Variants in PRKD3 observed in about 807,000 individuals in gnomAD.
The protein encoded by PRKD3 is protein kinase D3.
Under a neutral mutation model 99.2 loss-of-function variants are expected in PRKD3, and 47 were observed. The ratio of observed to expected loss-of-function variants is 0.47; its 90% confidence interval spans 0.38 to 0.60. PRKD3 has a LOEUF of 0.60. PRKD3 is among the 20% of genes least tolerant of loss of function. The pLI is 0.00. For synonymous variants in PRKD3, 392 were observed against 355.4 expected, an observed-to-expected ratio of 1.10 and a Z score of -1.16; for missense variants, 1,019 against 1,088.4, an observed-to-expected ratio of 0.94 and a Z score of 0.90.
chr2:37,273,106 A>G (rs746950854), intron 11 of PRKD3, among the ~76,000 whole-genome samples: 4 of 152,078 alleles, frequency 2.6e-5, no homozygotes, highest in African/African-American at 4.8e-5. Context: ...AAGAGTTTTT[A>G]TACACTTCTA....
Position 37,279,770 on chromosome 2 carries a change from T to A in PRKD3, c.1148A>T (p.Asp383Val), listed in dbSNP as rs1182032603. 1 of 1,613,440 alleles carries A rather than the reference T, an allele frequency of 6.2e-7. No individual in the cohort carries two copies. Among genetic ancestry groups the A allele is most frequent in the Non-Finnish European group, 8.5e-7 (1 of 1,179,836 alleles). Residue 383 changes from aspartate (D) to valine (V), a missense_variant, in exon 8 of 19, where the codon GAT becomes GTT. By Grantham distance (152) the Asp-to-Val change is radical (BLOSUM62 -3). This residue lies in a region of PRKD3 where 710 missense variants were observed against 692.7 expected (regional missense o/e 1.02). Transcript: ENST00000234179. ...LDPSDLDVER[D>V]EEAVKTISPS... ...CCTGATTGTTTTAACGGCTTCTTCA[T>A]CTCTTTCCACATCGAGATCAGATGG...
intron 7 of PRKD3, among the ~76,000 whole-genome samples, chr2:37,280,228 A>AC (rs1669792784): frequency 1.3e-5 from 2 of 152,118 alleles, no homozygotes; most frequent in South Asian, 4.2e-4. Flanking sequence ...TATCTTTAGT[A>AC]GAGATGGGGT....
In PRKD3 at chr2:37,267,521, GTCTT is replaced by G. The variant is rs752001197; in HGVS notation, c.1789_1792del (p.Lys597LeufsTer9). ...TACTTTAATAGCCACATCCCTCCCA[GTCTT>G]TCTATGTTTTCCTATTAAGAAAAAA... On this transcript the variant is annotated frameshift_variant, in exon 14 of 19. Coordinates refer to ENST00000234179, the MANE Select transcript of PRKD3 (RefSeq NM_005813.6). LOFTEE classifies it high-confidence loss of function. The G allele has an allele frequency of 4.4e-6, 7 of 1,605,282 alleles. No homozygotes were observed. The highest frequency in any genetic ancestry group is 5.1e-6 in the Non-Finnish European group (6 of 1,175,130).
At chr2:37,288,657 G>C (rs1670235106) in intron 5 of PRKD3, among the ~76,000 whole-genome samples, 1 of 152,096 alleles carries the variant, frequency 6.6e-6, no homozygotes, top group Non-Finnish European at 1.5e-5. Context: ...AAAAATCACT[G>C]ATTTATTAAT....
chr2:37,304,948 A>C (rs1002607012), intron 2 of PRKD3, among the ~76,000 whole-genome samples: 1 of 145,470 alleles, frequency 6.9e-6, no homozygotes, highest in African/African-American at 2.5e-5. Context: ...TATGATGAAT[A>C]GTAGAATTAA....
chr2:37,258,851 G>A (rs1310862882), intron 16 of PRKD3, among the ~76,000 whole-genome samples: 1 of 152,122 alleles, frequency 6.6e-6, no homozygotes, highest in Non-Finnish European at 1.5e-5. Flanking sequence ...TTGTCTAAAT[G>A]TACATGTTTC....
intron 2 of PRKD3, among the ~76,000 whole-genome samples, chr2:37,307,578 G>A (rs1209697481): frequency 2.0e-5 from 3 of 152,146 alleles, no homozygotes; most frequent in African/African-American, 7.2e-5. Flanking sequence ...TAGAAGAGCA[G>A]GTATGTGTTC....
At chr2:37,312,404 A>C (rs1671466928) in intron 2 of PRKD3, among the ~76,000 whole-genome samples, 2 of 152,220 alleles carry the variant, frequency 1.3e-5, no homozygotes, top group African/African-American at 4.8e-5. Context: ...GTATTATTTC[A>C]AATGTGGTCA....
At chr2:37,258,946 G>C (rs1668191705) in intron 16 of PRKD3, among the ~76,000 whole-genome samples, 1 of 151,870 alleles carries the variant, frequency 6.6e-6, no homozygotes. Flanking sequence ...ATGGCTGCAG[G>C]GTACCACCAC....
chr2:37,280,950 G>C (rs1669832010), intron 7 of PRKD3, among the ~76,000 whole-genome samples: 1 of 152,152 alleles, frequency 6.6e-6, no homozygotes, highest in South Asian at 2.1e-4. Flanking sequence ...CAAAGGATCT[G>C]AATAGGTGCT....
At position 37,294,716 on chromosome 2, in the gene PRKD3, T is replaced by A. The variant is rs565497336; in HGVS notation, c.289-1445A>T. On this transcript the variant is annotated intron_variant, in intron 2 of 18. Coordinates refer to ENST00000234179, the MANE Select transcript of PRKD3 (RefSeq NM_005813.6). Reference sequence around the variant, plus strand: ...TTTATGAAATTATTCAGTTGGAGAATAAAATATCTTCATAACCTAGTTACA... The same window carrying A: ...TTTATGAAATTATTCAGTTGGAGAAAAAAATATCTTCATAACCTAGTTACA... Among the ~76,000 whole-genome samples the A allele has an allele frequency of 2.0e-5, 3 of 152,300 alleles. No homozygotes were observed. In the East Asian group the frequency reaches 5.8e-4, roughly 29 times the overall value.
intron 7 of PRKD3, among the ~76,000 whole-genome samples, chr2:37,280,229 G>A (rs1345804310): frequency 1.3e-5 from 2 of 151,970 alleles, no homozygotes; most frequent in South Asian, 4.2e-4. Context: ...ATCTTTAGTA[G>A]AGATGGGGTT....
chr2:37,280,036 G>C (rs910596263), intron 7 of PRKD3, 107 bp from the exon 8 acceptor site: 1 of 593,714 alleles, frequency 1.7e-6, no homozygotes, highest in East Asian at 3.5e-5. Flanking sequence ...ATCTTTATGA[G>C]TTAAGTAAAG....
At chr2:37,282,278 A>C (rs1197094629) in intron 7 of PRKD3, 2 of 387,378 alleles carry the variant, frequency 5.2e-6, no homozygotes, top group Non-Finnish European at 9.3e-6. Flanking sequence ...AAGTTCTTTT[A>C]TGTCTAAAAA....
chr2:37,259,434 T>G, intron 16 of PRKD3, 149 bp downstream of exon 16: 1 of 530,370 alleles, frequency 1.9e-6, no homozygotes. Context: ...ATTTAGTTAT[T>G]AATCCTCACT....
At chr2:37,303,092 C>T (rs1489070120) in intron 2 of PRKD3, among the ~76,000 whole-genome samples, 1 of 152,144 alleles carries the variant, frequency 6.6e-6, no homozygotes, top group Admixed American at 6.5e-5. Context: ...AGAGAAGCAG[C>T]TTGACTGGAG....
At chr2:37,276,810 A>ACATATATATACATATATATT (rs140027879) in intron 9 of PRKD3, among the ~76,000 whole-genome samples, 2 of 145,696 alleles carry the variant, frequency 1.4e-5, no homozygotes, top group Non-Finnish European at 3.0e-5. Flanking sequence ...ACACACATAC[A>ACATATATATACATATATATT]CATATATATA....
At chr2:37,260,683 A>C (rs1668365148) in intron 14 of PRKD3, among the ~76,000 whole-genome samples, 1 of 152,164 alleles carries the variant, frequency 6.6e-6, no homozygotes, top group Non-Finnish European at 1.5e-5. Context: ...ACACTGCTCT[A>C]ATTTCATGCT....
chr2:37,316,555 T>C lies in PRKD3; in HGVS notation c.-31A>G. On this transcript the variant is annotated 5_prime_UTR_variant, in exon 2 of 19. Transcript: ENST00000234179. Reference sequence around the variant, plus strand: ...TTTCTTTAATCTTTTAAAATAGTTGTCGATTCTTTTTCAATGGTTATGAAG... The same window carrying C: ...TTTCTTTAATCTTTTAAAATAGTTGCCGATTCTTTTTCAATGGTTATGAAG... 2 of 1,589,772 alleles carry C rather than the reference T, an allele frequency of 1.3e-6. No individual in the cohort carries two copies. The highest frequency in any genetic ancestry group is 1.7e-6 in the Non-Finnish European group (2 of 1,168,998).
Sources: allele counts gnomAD v4.1 joint callset (sites outside exome capture counted in the v4.1 genomes callset), GRCh38; gene constraint gnomAD v4.1.1; regional missense constraint gnomAD v4.1.1; transcripts MANE v1.5; gene names NCBI Gene and HGNC (gene_info 2026-07-23, HGNC 2026-07-21).